The following NABP1 variants were observed in gnomAD, a reference collection of about 807,000 sequenced individuals.
The protein encoded by NABP1 is SOSS complex subunit B2.
NABP1 carries 18 observed loss-of-function variants against 25.0 expected under a neutral mutation model. The ratio of observed to expected loss-of-function variants is 0.72; its 90% CI spans 0.50 to 1.07. The LOEUF (loss-of-function observed/expected upper bound fraction) is 1.07. Among genes scored for constraint, NABP1 ranks in the 50% least tolerant of loss-of-function variants. The pLI is 0.00. For synonymous variants in NABP1, 71 were observed against 85.0 expected, an observed-to-expected ratio of 0.84 and a Z score of 0.91; for missense variants, 270 against 255.6, an observed-to-expected ratio of 1.06 and a Z score of -0.39.
chr2:191,681,059 AT>A (rs1687673579), intron 2 of NABP1, among the ~76,000 whole-genome samples: 1 of 152,196 alleles, frequency 6.6e-6, no homozygotes, highest in African/African-American at 2.4e-5. Flanking sequence ...TTGTAACCAA[AT>A]TTTTTCTCAA....
At chr2:191,684,412 C>A in intron 5 of NABP1, 116 bp downstream of exon 5, 2 of 620,476 alleles carry the variant, frequency 3.2e-6, no homozygotes, top group Non-Finnish European at 5.2e-6. Flanking sequence ...GGTGAACTAC[C>A]AGTAAACAGG....
chr2:191,681,313 G>T (rs1258434907), intron 2 of NABP1, among the ~76,000 whole-genome samples: 1 of 152,204 alleles, frequency 6.6e-6, no homozygotes, highest in Non-Finnish European at 1.5e-5. Context: ...AGATATCTAG[G>T]ATTATTTTAT....
chr2:191,678,792 C>T (rs949895367), intron 1 of NABP1, 87 bp downstream of exon 1: 13 of 1,291,496 alleles, frequency 1.0e-5, no homozygotes, highest in Non-Finnish European at 1.3e-5. Context: ...GCCCGGGGCT[C>T]CCCTCCTCCT....
At position 191,685,802 on chromosome 2, in the gene NABP1, T is replaced by C; in HGVS notation, c.*34T>C. On this transcript the variant is annotated 3_prime_UTR_variant, in exon 6 of 6. Coordinates refer to ENST00000425611, the MANE Select transcript of NABP1 (RefSeq NM_001031716.5). ...AAATACTCATGTGTAGTTTTTATACTACATGCCCTACTTGAACACTTATTG... is the reference window on the plus strand; with the variant it reads ...AAATACTCATGTGTAGTTTTTATACCACATGCCCTACTTGAACACTTATTG... 1.3e-6 allele frequency: 2 copies of C among 1,592,114 alleles called. No individual in the cohort carries two copies. Among genetic ancestry groups the C allele is most frequent in the Non-Finnish European group, 1.7e-6 (2 of 1,162,260 alleles).
intron 2 of NABP1, among the ~76,000 whole-genome samples, chr2:191,679,484 C>G (rs1687612684): frequency 6.6e-6 from 1 of 152,214 alleles, no homozygotes; most frequent in Non-Finnish European, 1.5e-5. Flanking sequence ...TCAAGAGATT[C>G]TCGTGCCTCA....
chr2:191,681,364 A>T lies in NABP1; in HGVS notation c.231-582A>T, dbSNP rs186215033. ...GCTTTCAAAATTGTTCGGAGTAAAC[A>T]TTTGCCAGTTTGTTTACTACAAACC... On this transcript the variant is annotated intron_variant, in intron 2 of 5. Transcript: ENST00000425611. Among the ~76,000 whole-genome samples, 352 of 152,278 alleles carry T rather than the reference A, an allele frequency of 2.3e-3. 2 individuals carry two copies. The highest frequency in any genetic ancestry group is 7.8e-3 in the African/African-American group (326 of 41,556).
At chr2:191,682,789 A>C (rs552556478) in intron 3 of NABP1, 1 of 249,060 alleles carries the variant, frequency 4.0e-6, no homozygotes, top group Non-Finnish European at 8.2e-6. Flanking sequence ...TTTGCCACTG[A>C]GGGAATAAGA....
chr2:191,683,896 A>G lies in NABP1; in HGVS notation c.378+92A>G. On this transcript the variant is annotated intron_variant, in intron 4 of 5. Coordinates refer to ENST00000425611, the MANE Select transcript of NABP1 (RefSeq NM_001031716.5). This position sits in a 1 kb window ranked among gnomAD's most constrained non-coding sequence, Gnocchi z 4.1. The stretch of plus-strand genomic sequence containing the variant: ...AGCCCTGTTGATACTTAGTATAAAG[A>G]AGATAATTTTTAAAAGGATACTTAA... 2.0e-6 allele frequency: 2 copies of G among 988,542 alleles called. No homozygotes were observed. Among genetic ancestry groups the G allele is most frequent in the Non-Finnish European group, 3.0e-6 (2 of 657,812 alleles). 61.2% of individuals were successfully genotyped at this position (988,542 alleles called of 1,614,324 possible).
At chr2:191,684,774 T>C in intron 5 of NABP1, 1 of 152,378 alleles carries the variant, frequency 6.6e-6, no homozygotes, top group East Asian at 1.9e-4. Flanking sequence ...GTTAAAGGTC[T>C]TCTGAAGTCT....
Position 191,678,438 on chromosome 2 carries a change from GC to G in NABP1, c.-176del. 7.6e-6 allele frequency: 2 copies of G among 261,654 alleles called. No homozygotes were observed. Among genetic ancestry groups the G allele is most frequent in the Non-Finnish European group, 1.3e-5 (2 of 150,046 alleles). 16.2% of individuals were successfully genotyped at this position (261,654 alleles called of 1,614,324 possible). On this transcript the variant is annotated 5_prime_UTR_variant, in exon 1 of 6. Coordinates refer to ENST00000425611, the MANE Select transcript of NABP1 (RefSeq NM_001031716.5). ...TTTTTTTTTTTTTTTCTTTTTTTAG[GC>G]TCAGTGCTGTCCGGGCTGGTTTGCC...
intron 5 of NABP1, among the ~76,000 whole-genome samples, chr2:191,684,650 C>T (rs554082150): frequency 2.4e-4 from 37 of 152,154 alleles, no homozygotes; most frequent in African/African-American, 8.9e-4. Context: ...CTTAATTTTT[C>T]ACATACAAGT....
intron 1 of NABP1, 106 bp downstream of exon 1, chr2:191,678,811 TC>T: frequency 3.8e-6 from 2 of 519,908 alleles, no homozygotes; most frequent in Non-Finnish European, 7.0e-6. Flanking sequence ...CTCCCTCCCC[TC>T]CCCCACCCAC....
chr2:191,678,863 A>C, intron 1 of NABP1, 127 bp from the exon 2 acceptor site: 1 of 1,372,076 alleles, frequency 7.3e-7, no homozygotes, highest in East Asian at 2.6e-5. Flanking sequence ...ATCCTACCTG[A>C]GGCGGGAGCC....
At chr2:191,684,531 T>A (rs1174994132) in intron 5 of NABP1, among the ~76,000 whole-genome samples, 2 of 152,008 alleles carry the variant, frequency 1.3e-5, no homozygotes, top group Non-Finnish European at 2.9e-5. Context: ...ATTTTTTTTT[T>A]ATTGATTCCT....
chr2:191,684,986 G>C (rs751847463), intron 5 of NABP1: 1 of 152,334 alleles, frequency 6.6e-6, no homozygotes, highest in Non-Finnish European at 1.5e-5. Flanking sequence ...CAAGTAGCTG[G>C]GATTACAGAT....
At position 191,683,391 on chromosome 2, in the gene NABP1, A is replaced by G. The variant is rs1394498137; in HGVS notation, c.303-338A>G. 1.0e-5 allele frequency: 3 copies of G among 291,722 alleles called. No homozygotes were observed. Among genetic ancestry groups the G allele is most frequent in the Admixed American group, 5.1e-5 (1 of 19,482 alleles). 18.1% of individuals were successfully genotyped at this position (291,722 alleles called of 1,614,324 possible). A position where few individuals can be genotyped will look rare whatever the true frequency, so the allele number is the denominator to read the frequency against. On this transcript the variant is annotated intron_variant, in intron 3 of 5. Transcript: ENST00000425611. The surrounding 1 kb of genome is among the most constrained non-coding windows in gnomAD (Gnocchi z 4.1). ...GAGAAACCACCCTGGAACCCTAAAC[A>G]TGGTTCACTCTCATGTTATTTTTCC...
At chr2:191,682,121 T>G in intron 3 of NABP1, 104 bp downstream of exon 3, 1 of 597,452 alleles carries the variant, frequency 1.7e-6, no homozygotes, top group Non-Finnish European at 2.8e-6. Flanking sequence ...TTTTGACTAG[T>G]AAACTGAATG....
rs201443148 is a variant in NABP1, at chr2:191,684,266, A to G, written c.415A>G (p.Asn139Asp). Residue 139 changes from asparagine (N) to aspartate (D), a missense_variant, in exon 5 of 6, where the codon AAT becomes GAT. By Grantham distance (23) the Asn-to-Asp change is conservative. Transcript: ENST00000425611. Reference protein sequence around the residue: ...SEQKNNSMNSNMGTGTFGPVG... With the variant: ...SEQKNNSMNSDMGTGTFGPVG... The stretch of plus-strand genomic sequence containing the variant: ...ACAGAAGAATAATTCCATGAATAGT[A>G]ATATGGGTACAGGTACATTTGGACC... 3.9e-6 allele frequency: 6 copies of G among 1,541,890 alleles called. No individual in the cohort carries two copies. Among genetic ancestry groups the G allele is most frequent in the Middle Eastern group, 1.7e-4 (1 of 5,750 alleles).
At chr2:191,682,388 G>T in intron 3 of NABP1, 1 of 382,300 alleles carries the variant, frequency 2.6e-6, no homozygotes. Context: ...CCAAGTTTCA[G>T]GCCATAAGTT....
Sources: allele counts gnomAD v4.1 joint callset (sites outside exome capture counted in the v4.1 genomes callset), GRCh38; gene constraint gnomAD v4.1.1; non-coding constraint Gnocchi (gnomAD v3.1); transcripts MANE v1.5; gene names NCBI Gene and HGNC (gene_info 2026-07-23, HGNC 2026-07-21).